The following AQP11 variants were observed in gnomAD, a reference collection of about 807,000 sequenced individuals.
AQP11 encodes aquaporin 11, also known as aquaporin-11.
Under a neutral mutation model 21.1 loss-of-function variants are expected in AQP11, and 20 were observed. The observed-to-expected ratio is 0.95, with a 90% CI of 0.67 to 1.38. The LOEUF (loss-of-function observed/expected upper bound fraction) is 1.38, where lower values mean the gene tolerates loss of function less well. Among genes scored for constraint, AQP11 ranks in the 40% most tolerant of loss-of-function variants. AQP11 has a pLI of 0.00. For synonymous variants in AQP11, 167 were observed against 150.1 expected, an observed-to-expected ratio of 1.11 and a Z score of -0.82; for missense variants, 339 against 340.4, an observed-to-expected ratio of 1.00 and a Z score of 0.03.
intron 1 of AQP11, among the ~76,000 whole-genome samples, chr11:77,598,089 G>T (rs1958794205): frequency 6.6e-6 from 1 of 152,184 alleles, no homozygotes; most frequent in African/African-American, 2.4e-5. Context: ...GAGCTCATCA[G>T]GGTATGATAA....
intron 2 of AQP11, 61 bp from the exon 3 acceptor site, chr11:77,609,237 C>T (rs1590788367): frequency 2.3e-6 from 3 of 1,287,050 alleles, no homozygotes; most frequent in South Asian, 2.6e-5. Context: ...AATATACCCA[C>T]CTAGTGATTA....
intron 2 of AQP11, among the ~76,000 whole-genome samples, chr11:77,606,187 A>T (rs1403786593): frequency 1.3e-5 from 2 of 152,100 alleles, no homozygotes; most frequent in Non-Finnish European, 2.9e-5. Context: ...AAATTTTTTT[A>T]AAAAGGGTCT....
intron 1 of AQP11, among the ~76,000 whole-genome samples, chr11:77,600,376 G>A (rs368584839): frequency 1.2e-4 from 19 of 152,180 alleles, no homozygotes; most frequent in African/African-American, 4.1e-4. Flanking sequence ...GCCAAGAGCC[G>A]GAAACAACTA....
intron 2 of AQP11, 74 bp downstream of exon 2, chr11:77,603,746 C>A: frequency 9.1e-7 from 1 of 1,101,292 alleles, no homozygotes; most frequent in Non-Finnish European, 1.3e-6. Flanking sequence ...ATCATTGTAA[C>A]ATGTCAATTT....
At position 77,603,574 on chromosome 11, in the gene AQP11, CT is replaced by C; in HGVS notation, c.639del (p.Val214TyrfsTer24). ...LVYAGGSLTGAVFNPALALSL... is the reference protein window; with the variant it reads ...LVYAGGSLTGXVFNPALALSL... ...GTTACAGGAGGAAGTCTAACAGGAG[CT>C]GTATTTAATCCAGCTTTGGCACTTT... On this transcript the variant is annotated frameshift_variant, in exon 2 of 3. Coordinates refer to ENST00000313578, the MANE Select transcript of AQP11 (RefSeq NM_173039.3). LOFTEE classifies it high-confidence loss of function. The C allele has an allele frequency of 6.3e-7, 1 of 1,595,872 alleles. No homozygotes were observed. Among genetic ancestry groups the C allele is most frequent in the Non-Finnish European group, 8.5e-7 (1 of 1,172,688 alleles).
chr11:77,601,151 G>C (rs1025936363), intron 1 of AQP11, among the ~76,000 whole-genome samples: 6 of 152,178 alleles, frequency 3.9e-5, no homozygotes, highest in African/African-American at 9.7e-5. Flanking sequence ...AGAGGGAATA[G>C]GCCACTGCCA....
In AQP11 at chr11:77,593,792, A is replaced by G. The variant is rs554106991; in HGVS notation, c.619+3181A>G. 2.6e-5 allele frequency among the ~76,000 whole-genome samples: 4 copies of G among 152,386 alleles called. No individual in the cohort carries two copies. In the South Asian group the frequency reaches 8.3e-4, roughly 32 times the overall value. Reference sequence around the variant, plus strand: ...TAGAACTATGGTTCCAACTGGCACTAAAGCTCATACGGATTCATTATCAGC... The same window carrying G: ...TAGAACTATGGTTCCAACTGGCACTGAAGCTCATACGGATTCATTATCAGC... On this transcript the variant is annotated intron_variant, in intron 1 of 2. Coordinates refer to ENST00000313578, the MANE Select transcript of AQP11 (RefSeq NM_173039.3).
At chr11:77,596,910 C>T (rs977616130) in intron 1 of AQP11, among the ~76,000 whole-genome samples, 1 of 151,404 alleles carries the variant, frequency 6.6e-6, no homozygotes, top group African/African-American at 2.4e-5. Context: ...TATTTTGGGC[C>T]TCACTTTCCT....
chr11:77,590,558 C>T lies in AQP11; in HGVS notation c.566C>T (p.Thr189Ile). The change falls in exon 1 of 3, where the codon ACC (threonine) becomes ATC (isoleucine). Residue 189 changes from threonine to isoleucine, a missense_variant. Coordinates refer to ENST00000313578, the MANE Select transcript of AQP11 (RefSeq NM_173039.3). ...SALLHFQEVR[T>I]KLRIHLLAAL... ...CTGCTGCACTTCCAGGAAGTCCGAA[C>T]CAAGCTTCGTATCCACCTGCTGGCT... 1 of 1,614,170 alleles carries T rather than the reference C, an allele frequency of 6.2e-7. No homozygotes were observed. Among genetic ancestry groups the T allele is most frequent in the South Asian group, 1.1e-5 (1 of 91,086 alleles).
chr11:77,596,864 T>TA (rs34702940), intron 1 of AQP11, among the ~76,000 whole-genome samples: 47 of 146,256 alleles, frequency 3.2e-4, no homozygotes, highest in African/African-American at 7.1e-4. Context: ...TGTTTCAATT[T>TA]AAAAAAAAAA....
At chr11:77,596,390 G>C (rs111934028) in intron 1 of AQP11, among the ~76,000 whole-genome samples, 3 of 148,780 alleles carry the variant, frequency 2.0e-5, no homozygotes, top group African/African-American at 7.4e-5. Flanking sequence ...GCAGCGAGCT[G>C]ATATCACACC....
At chr11:77,591,282 T>C in intron 1 of AQP11, 1 of 984,032 alleles carries the variant, frequency 1.0e-6, no homozygotes, top group Non-Finnish European at 1.2e-6. Flanking sequence ...TGTTGATTTC[T>C]TTTAAACCAT....
chr11:77,606,098 G>C (rs1958844724), intron 2 of AQP11, among the ~76,000 whole-genome samples: 1 of 150,650 alleles, frequency 6.6e-6, no homozygotes, highest in Non-Finnish European at 1.5e-5. Context: ...CCAGCTACTT[G>C]GGAGGCTGAG....
chr11:77,603,656 G>C lies in AQP11; in HGVS notation c.720G>C (p.Trp240Cys). 1 of 1,591,510 alleles carries C rather than the reference G, an allele frequency of 6.3e-7. No individual in the cohort carries two copies. Among genetic ancestry groups the C allele is most frequent in the Admixed American group, 1.8e-5 (1 of 54,940 alleles). Residue 240 changes from tryptophan to cysteine, a missense_variant, in exon 2 of 3, where the codon TGG becomes TGC. Transcript: ENST00000313578. Reference protein sequence around the residue: ...EAFPQFFIVYWLAPSLGILLM... With the variant: ...EAFPQFFIVYCLAPSLGILLM... ...TCCCTCAGTTTTTTATAGTATACTGGCTGGCTCCTTCTTTAGGTAAGCGTA... is the reference window on the plus strand; with the variant it reads ...TCCCTCAGTTTTTTATAGTATACTGCCTGGCTCCTTCTTTAGGTAAGCGTA...
At position 77,589,991 on chromosome 11, in the gene AQP11, C is replaced by A. The variant is rs753264114; in HGVS notation, c.-2C>A. 1.3e-6 allele frequency: 2 copies of A among 1,481,860 alleles called. No homozygotes were observed. The highest frequency in any genetic ancestry group is 1.8e-6 in the Non-Finnish European group (2 of 1,122,588). The allele number at this position is 1,481,860 out of a possible 1,614,324, so 91.8% of individuals were successfully genotyped here. On this transcript the variant is annotated 5_prime_UTR_variant, in exon 1 of 3. Transcript: ENST00000313578. The stretch of plus-strand genomic sequence containing the variant: ...GCAACCCGCTCAGGCGGCGACGGAG[C>A]CATGTCGCCGCTGCTGGGGCTCCGG...
chr11:77,599,732 A>C (rs1474047836), intron 1 of AQP11, among the ~76,000 whole-genome samples: 1 of 151,504 alleles, frequency 6.6e-6, no homozygotes, highest in African/African-American at 2.4e-5. Flanking sequence ...CCACAAGTAC[A>C]TGCCACCATA....
chr11:77,590,674 CT>C, intron 1 of AQP11, 63 bp downstream of exon 1: 1 of 1,535,660 alleles, frequency 6.5e-7, no homozygotes. Context: ...GCTGTAAGTT[CT>C]TTACTAAAAT....
At chr11:77,592,997 G>A (rs959256143) in intron 1 of AQP11, among the ~76,000 whole-genome samples, 10 of 152,346 alleles carry the variant, frequency 6.6e-5, no homozygotes, top group African/African-American at 2.4e-4. Context: ...TGCTTTAGGA[G>A]TCTAGACCTG....
intron 1 of AQP11, among the ~76,000 whole-genome samples, chr11:77,601,892 G>C (rs1958817579): frequency 6.6e-6 from 1 of 152,194 alleles, no homozygotes; most frequent in Non-Finnish European, 1.5e-5. Context: ...ATTCTTCCAA[G>C]AGAGCAAAAA....
Sources: gnomAD v4.1 joint callset for allele counts (sites outside exome capture counted in the v4.1 genomes callset) on GRCh38, gnomAD v4.1.1 for gene constraint, MANE v1.5 for transcripts, NCBI Gene and HGNC (gene_info 2026-07-23, HGNC 2026-07-21) for gene names.